DPP6: variants seen among roughly 807,000 people sequenced by gnomAD.
DPP6 encodes the protein dipeptidyl peptidase like 6.
In DPP6, 69 loss-of-function variants were observed where a neutral mutation model predicts 122.6. The observed-to-expected ratio is 0.56, with a 90% CI of 0.46 to 0.69. The LOEUF (loss-of-function observed/expected upper bound fraction) is 0.69, where lower values mean the gene tolerates loss of function less well. Ranked by LOEUF, DPP6 falls within the 30% of genes least tolerant of loss-of-function variation. The probability of loss-of-function intolerance (pLI) is 0.00; values close to 1 mark genes in which losing one functional copy is unlikely to be tolerated. For synonymous variants in DPP6, 418 were observed against 433.1 expected (o/e 0.97, Z 0.43); for missense variants, 928 against 1,116.9 (o/e 0.83, Z 2.41).
chr7:154,734,581 G>A (rs978465858), intron 8 of DPP6, among the ~76,000 whole-genome samples: 6 of 152,230 alleles, frequency 3.9e-5, no homozygotes, highest in African/African-American at 1.4e-4. Context: ...CCATAGATCT[G>A]TAGTTATTTG....
chr7:154,828,872 T>C (rs547102573), intron 16 of DPP6, among the ~76,000 whole-genome samples: 2 of 152,344 alleles, frequency 1.3e-5, no homozygotes, highest in East Asian at 3.9e-4. Flanking sequence ...CTCAGTAGCC[T>C]ACACACCTCA....
chr7:154,448,432 C>T (rs377304706), intron 2 of DPP6, among the ~76,000 whole-genome samples: 1 of 152,066 alleles, frequency 6.6e-6, no homozygotes, highest in East Asian at 1.9e-4. Context: ...GAAATTAAGA[C>T]CTAAGTAAAT....
At chr7:154,530,351 C>A (rs1827746788) in intron 3 of DPP6, among the ~76,000 whole-genome samples, 1 of 151,990 alleles carries the variant, frequency 6.6e-6, no homozygotes. Flanking sequence ...ATACAAGATG[C>A]TCAGTGAACA....
Position 154,320,283 on chromosome 7 carries a change from G to A in DPP6, c.244-125931G>A, listed in dbSNP as rs75333923. On this transcript the variant is annotated intron_variant, in intron 1 of 25. Transcript: ENST00000377770. ...TCACTTCAGGCCGGCCCTGTGTCCA[G>A]TGCGGTCTCCATAAAGGACTCTGGT... is the stretch of plus-strand genomic sequence containing the variant. Among the ~76,000 whole-genome samples, 29 of 152,178 alleles carry A rather than the reference G, an allele frequency of 1.9e-4. 2 individuals are homozygous for A. In the East Asian group the frequency reaches 5.4e-3, roughly 28 times the overall value.
chr7:153,781,977 TACACAC>T, the DPP6 span, among the ~76,000 whole-genome samples: 544 of 89,788 alleles, frequency 6.1e-3, 58 homozygotes, highest in African/African-American at 0.01. Flanking sequence ...CCCCAGAGAA[TACACAC>T]ACACACACAC....
intron 1 of DPP6, among the ~76,000 whole-genome samples, chr7:154,067,557 C>T (rs1224624120): frequency 2.0e-5 from 3 of 152,040 alleles, no homozygotes; most frequent in East Asian, 3.9e-4. Flanking sequence ...GAATGACCCT[C>T]GGAGATGGGC....
At chr7:153,977,198 G>GGTGTGTGTGTGTGT (rs55750679) in intron 1 of DPP6, among the ~76,000 whole-genome samples, 17 of 149,718 alleles carry the variant, frequency 1.1e-4, no homozygotes, top group African/African-American at 1.2e-4. Context: ...TACCAATAGG[G>GGTGTGTGTGTGTGT]GTGTGTGTGT....
intron 7 of DPP6, among the ~76,000 whole-genome samples, chr7:154,693,997 G>T (rs1216302323): frequency 6.6e-6 from 1 of 152,140 alleles, no homozygotes; most frequent in African/African-American, 2.4e-5. Flanking sequence ...TCGTAGACTG[G>T]GGTGCTTAGA....
At chr7:154,878,380 G>A (rs1036863795) in intron 20 of DPP6, among the ~76,000 whole-genome samples, 3 of 152,176 alleles carry the variant, frequency 2.0e-5, no homozygotes, top group Non-Finnish European at 2.9e-5. Flanking sequence ...CTAAACCACC[G>A]AAGCTCAAAG....
chr7:154,764,277 T>G (rs1795761285), intron 8 of DPP6, among the ~76,000 whole-genome samples: 1 of 152,186 alleles, frequency 6.6e-6, no homozygotes, highest in Admixed American at 6.5e-5. Context: ...GATGTTATAC[T>G]AAGGACCTCA....
intron 1 of DPP6, among the ~76,000 whole-genome samples, chr7:154,409,827 G>A (rs1286488578): frequency 6.6e-6 from 1 of 152,184 alleles, no homozygotes; most frequent in African/African-American, 2.4e-5. Context: ...AACATACCAT[G>A]GTTCTGTAGC....
At chr7:153,870,231 TA>T in the DPP6 span, among the ~76,000 whole-genome samples, 1 of 152,218 alleles carries the variant, frequency 6.6e-6, no homozygotes. Flanking sequence ...TCCTGGATAA[TA>T]TCCTGCAGAG....
At chr7:154,329,819 A>G (rs1233410513) in intron 1 of DPP6, among the ~76,000 whole-genome samples, 1 of 152,252 alleles carries the variant, frequency 6.6e-6, no homozygotes, top group Non-Finnish European at 1.5e-5. Context: ...AAAATGTGGC[A>G]CATATACACC....
At chr7:153,983,768 A>G (rs1234418339) in intron 1 of DPP6, among the ~76,000 whole-genome samples, 1 of 152,126 alleles carries the variant, frequency 6.6e-6, no homozygotes, top group Non-Finnish European at 1.5e-5. Context: ...CTCACGGCAC[A>G]GTCCCTCATG....
At chr7:154,655,139 G>C (rs944158160) in intron 6 of DPP6, among the ~76,000 whole-genome samples, 13 of 152,176 alleles carry the variant, frequency 8.5e-5, no homozygotes, top group Non-Finnish European at 1.5e-4. Flanking sequence ...ATTAGACACT[G>C]AGAATGCTAT....
chr7:154,565,219 G>C (rs1830667849), intron 4 of DPP6, among the ~76,000 whole-genome samples: 1 of 152,172 alleles, frequency 6.6e-6, no homozygotes, highest in Non-Finnish European at 1.5e-5. Context: ...GTTTAGACTA[G>C]AGGTTCAAAG....
chr7:154,555,606 TAAAG>T (rs1471177565), intron 4 of DPP6, among the ~76,000 whole-genome samples: 1 of 151,780 alleles, frequency 6.6e-6, no homozygotes, highest in African/African-American at 2.4e-5. Context: ...CCCTAAAACT[TAAAG>T]TATAATAATA....
chr7:154,097,611 T>C (rs1356509009), intron 1 of DPP6, among the ~76,000 whole-genome samples: 1 of 152,252 alleles, frequency 6.6e-6, no homozygotes, highest in Non-Finnish European at 1.5e-5. Flanking sequence ...TATAATAAAT[T>C]ACCCCAACAC....
chr7:154,365,644 C>T (rs530673212), intron 1 of DPP6, among the ~76,000 whole-genome samples: 1 of 152,322 alleles, frequency 6.6e-6, no homozygotes, highest in East Asian at 1.9e-4. Context: ...GGTTCACATT[C>T]ACCGTCCTTC....
Sources: allele counts gnomAD v4.1 joint callset (sites outside exome capture counted in the v4.1 genomes callset), GRCh38; gene constraint gnomAD v4.1.1; transcripts MANE v1.5; gene names NCBI Gene and HGNC (gene_info 2026-07-23, HGNC 2026-07-21).